Variants in CDCA7L observed in about 807,000 individuals in gnomAD.
CDCA7L encodes cell division cycle associated 7 like.
A neutral mutation model predicts 57.4 loss-of-function variants in CDCA7L; 44 were observed. That is an observed-to-expected ratio of 0.77 (90% confidence interval 0.60 to 0.98). CDCA7L has a LOEUF of 0.98. Ranked by LOEUF, CDCA7L falls within the 50% of genes least tolerant of loss-of-function variation. The probability of loss-of-function intolerance (pLI) is 0.00; values close to 1 mark genes in which losing one functional copy is unlikely to be tolerated. For synonymous variants in CDCA7L, 236 were observed against 202.8 expected (o/e 1.16, Z -1.39); for missense variants, 644 against 580.6 (o/e 1.11, Z -1.12).
Position 21,945,811 on chromosome 7 carries a change from T to A in CDCA7L, c.-7A>T, listed in dbSNP as rs1040750799. On this transcript the variant is annotated 5_prime_UTR_variant, in exon 1 of 10. Transcript: ENST00000406877. ...AGCGAGTCGCCAACTCCATTCTTCC[T>A]AACCGGGCTCCAGTCTCCTCCCAGC... The A allele has an allele frequency of 1.3e-6, 2 of 1,598,382 alleles. No individual in the cohort carries two copies. Among genetic ancestry groups the A allele is most frequent in the Middle Eastern group, 1.7e-4 (1 of 5,980 alleles).
chr7:21,909,507 T>C (rs867303831), intron 3 of CDCA7L, among the ~76,000 whole-genome samples: 1 of 151,746 alleles, frequency 6.6e-6, no homozygotes, highest in South Asian at 2.1e-4. Context: ...GGACTAAAGT[T>C]AGAAATAAGA....
intron 1 of CDCA7L, among the ~76,000 whole-genome samples, chr7:21,931,916 G>A (rs962801839): frequency 2.0e-4 from 30 of 152,288 alleles, no homozygotes; most frequent in Admixed American, 1.2e-3. Context: ...AAATCCCATC[G>A]TCTCAGCCCC....
At chr7:21,925,975 A>C (rs2128065391) in intron 1 of CDCA7L, among the ~76,000 whole-genome samples, 1 of 152,308 alleles carries the variant, frequency 6.6e-6, no homozygotes, top group East Asian at 1.9e-4. Context: ...ACAGAGGCAC[A>C]CACCTGTAGT....
At chr7:21,903,900 A>ATT (rs575497161) in intron 8 of CDCA7L, 213 of 363,418 alleles carry the variant, frequency 5.9e-4, no homozygotes, top group African/African-American at 5.1e-3. Flanking sequence ...AAAATCTAAC[A>ATT]ACATTAATTC....
intron 1 of CDCA7L, among the ~76,000 whole-genome samples, chr7:21,919,493 T>C (rs1421399566): frequency 6.6e-6 from 1 of 152,074 alleles, no homozygotes; most frequent in Admixed American, 6.5e-5. Context: ...CACTGGGAAA[T>C]GGCATTTAAA....
At chr7:21,905,737 T>C in intron 6 of CDCA7L, 106 bp from the exon 7 acceptor site, 1 of 1,225,842 alleles carries the variant, frequency 8.2e-7, no homozygotes, top group South Asian at 1.9e-5. Context: ...GTTAACCCCG[T>C]CCCTCTTCTA....
chr7:21,936,139 G>A (rs1386315384), intron 1 of CDCA7L, among the ~76,000 whole-genome samples: 1 of 151,446 alleles, frequency 6.6e-6, no homozygotes, highest in African/African-American at 2.4e-5. Flanking sequence ...AAATTATGAA[G>A]AAACAGAAGA....
chr7:21,912,315 C>T (rs1388404914), intron 2 of CDCA7L, among the ~76,000 whole-genome samples: 1 of 152,062 alleles, frequency 6.6e-6, no homozygotes, highest in African/African-American at 2.4e-5. Context: ...CATACGTACA[C>T]GTATATATTA....
chr7:21,902,574 G>GTTTATTAGATTCAGAGTTTA (rs1784956897), intron 9 of CDCA7L: 1 of 583,000 alleles, frequency 1.7e-6, no homozygotes, highest in Non-Finnish European at 3.1e-6. Flanking sequence ...ACGATTCAGA[G>GTTTATTAGATTCAGAGTTTA]TTTATTAATT....
chr7:21,905,008 T>A (rs1363811391), intron 7 of CDCA7L, among the ~76,000 whole-genome samples: 1 of 152,132 alleles, frequency 6.6e-6, no homozygotes, highest in African/African-American at 2.4e-5. Flanking sequence ...TATTTTTTTT[T>A]AAATATTGGC....
chr7:21,908,939 C>G (rs1785228988), intron 3 of CDCA7L, among the ~76,000 whole-genome samples: 1 of 152,214 alleles, frequency 6.6e-6, no homozygotes, highest in African/African-American at 2.4e-5. Flanking sequence ...CTCTAAATAG[C>G]AGGAACCAGA....
At chr7:21,928,464 T>A (rs968455431) in intron 1 of CDCA7L, among the ~76,000 whole-genome samples, 2 of 152,010 alleles carry the variant, frequency 1.3e-5, no homozygotes, top group African/African-American at 4.8e-5. Context: ...GTTTGATGAA[T>A]TGACAGAAGT....
At chr7:21,930,674 G>A (rs1220814388) in intron 1 of CDCA7L, among the ~76,000 whole-genome samples, 19 of 125,604 alleles carry the variant, frequency 1.5e-4, no homozygotes, top group Admixed American at 5.2e-4. Context: ...CTCCAGCCCC[G>A]GCAACAGTGC....
At chr7:21,941,740 A>C (rs760637525) in intron 1 of CDCA7L, among the ~76,000 whole-genome samples, 32 of 152,218 alleles carry the variant, frequency 2.1e-4, no homozygotes, top group Non-Finnish European at 4.1e-4. Context: ...AATTGCCCTG[A>C]GCAAATTAGT....
At chr7:21,902,939 A>ATTTCAAGCTGTTTT in intron 9 of CDCA7L, 39 bp downstream of exon 9, 1 of 1,599,524 alleles carries the variant, frequency 6.3e-7, no homozygotes, top group Non-Finnish European at 8.5e-7. Flanking sequence ...CAGCCTCAAG[A>ATTTCAAGCTGTTTT]TTTCAAGCTG....
chr7:21,903,324 G>T (rs550266800), intron 8 of CDCA7L, among the ~76,000 whole-genome samples: 2 of 152,196 alleles, frequency 1.3e-5, no homozygotes, highest in East Asian at 3.9e-4. Context: ...CACCTTTTAG[G>T]GCTCCTTGCT....
chr7:21,915,107 A>AAGAGCTACG (rs1785438682), intron 2 of CDCA7L, among the ~76,000 whole-genome samples: 1 of 152,168 alleles, frequency 6.6e-6, no homozygotes, highest in Admixed American at 6.5e-5. Context: ...GCATTCGGGT[A>AAGAGCTACG]AGAGCTACGA....
chr7:21,938,678 T>C (rs1272175467), intron 1 of CDCA7L, among the ~76,000 whole-genome samples: 1 of 152,144 alleles, frequency 6.6e-6, no homozygotes, highest in East Asian at 1.9e-4. Context: ...TAAATAAAGA[T>C]GGTATGTACA....
intron 1 of CDCA7L, among the ~76,000 whole-genome samples, chr7:21,937,646 G>GAA (rs1183201159): frequency 8.6e-6 from 1 of 116,242 alleles, no homozygotes; most frequent in African/African-American, 3.3e-5. Context: ...CCTTAAAAAA[G>GAA]AAAAAAAAAA....
Sources: allele counts gnomAD v4.1 joint callset (sites outside exome capture counted in the v4.1 genomes callset), GRCh38; gene constraint gnomAD v4.1.1; transcripts MANE v1.5; gene names NCBI Gene and HGNC (gene_info 2026-07-23, HGNC 2026-07-21).